Variants in MTA1 observed in about 807,000 individuals in gnomAD.
MTA1 encodes metastasis-associated protein MTA1.
In MTA1, 15 loss-of-function variants were observed where a neutral mutation model predicts 97.0. That is an observed-to-expected ratio of 0.15 (90% confidence interval 0.10 to 0.24). The LOEUF (loss-of-function observed/expected upper bound fraction) is 0.24, where lower values mean the gene tolerates loss of function less well. MTA1 is among the 10% of genes least tolerant of loss of function. The pLI, the probability that MTA1 is intolerant of heterozygous loss-of-function variation, is 1.00. For missense variants in MTA1, 709 were observed against 1,015.1 expected (o/e 0.70, Z 4.10); for synonymous variants, 435 against 417.5 (o/e 1.04, Z -0.51).
At chr14:105,468,063 G>A (rs1004127417) in intron 18 of MTA1, 1 of 350,982 alleles carries the variant, frequency 2.8e-6, no homozygotes, top group Admixed American at 3.7e-5. Flanking sequence ...GTAGCGGCCA[G>A]GACCTGGGCG....
At chr14:105,466,196 C>A in intron 16 of MTA1, 1 of 576,980 alleles carries the variant, frequency 1.7e-6, no homozygotes, top group Non-Finnish European at 3.1e-6. Context: ...TCTCTGGAAG[C>A]CCTGGGGTGC....
At chr14:105,444,790 TA>T (rs201104877) in intron 2 of MTA1, among the ~76,000 whole-genome samples, 2,748 of 123,516 alleles carry the variant, frequency 0.022, 29 homozygotes, top group South Asian at 0.054. Flanking sequence ...GACCCCATCT[TA>T]AAAAAAAAAA....
intron 7 of MTA1, among the ~76,000 whole-genome samples, chr14:105,456,963 C>A (rs587713268): frequency 6.6e-6 from 1 of 152,364 alleles, no homozygotes; most frequent in African/African-American, 2.4e-5. Context: ...GCCCTTGGGG[C>A]AGGGTCTGGG....
At chr14:105,462,002 G>A (rs899220429) in intron 10 of MTA1, among the ~76,000 whole-genome samples, 1 of 113,650 alleles carries the variant, frequency 8.8e-6, no homozygotes, top group Admixed American at 9.4e-5. Context: ...GAATTTGAGG[G>A]AGACCCTGCT....
intron 3 of MTA1, among the ~76,000 whole-genome samples, chr14:105,448,551 C>T (rs2082798048): frequency 6.6e-6 from 1 of 152,148 alleles, no homozygotes; most frequent in Admixed American, 6.5e-5. Flanking sequence ...GTGCAGTTTG[C>T]TCGTGGGTCC....
rs373697104 is a variant in MTA1, at chr14:105,445,404, C to G, written c.97-14C>G. ...TGGTCGCGTTTCTCAGACGCCCCTGCCTTGCTGTTACAGACGGCCAATGGG... is the reference window on the plus strand; with the variant it reads ...TGGTCGCGTTTCTCAGACGCCCCTGGCTTGCTGTTACAGACGGCCAATGGG... On this transcript the variant is annotated splice_polypyrimidine_tract_variant and intron_variant, in intron 2 of 20. Transcript: ENST00000331320. 5.6e-6 allele frequency: 9 copies of G among 1,612,558 alleles called. No homozygotes were observed. In the African/African-American group the frequency reaches 9.3e-5, roughly 17 times the overall value.
chr14:105,420,218 T>G lies in MTA1; in HGVS notation c.28+155T>G, dbSNP rs1462743686. ...CTTCCCGAACCGCCCCCCGCCGTGC[T>G]CACCCCAACCCAAAATGGCCCCGCG... On this transcript the variant is annotated intron_variant, in intron 1 of 20. Transcript: ENST00000331320. This position sits in a 1 kb window ranked among gnomAD's most constrained non-coding sequence, Gnocchi z 5.3. Among the ~76,000 whole-genome samples the G allele has an allele frequency of 6.8e-6, 1 of 146,012 alleles. No individual in the cohort carries two copies. Among genetic ancestry groups the G allele is most frequent in the Non-Finnish European group, 1.5e-5 (1 of 65,960 alleles).
Position 105,420,730 on chromosome 14 carries a change from AG to A in MTA1, c.28+671del, listed in dbSNP as rs1405992685. Among the ~76,000 whole-genome samples the A allele has an allele frequency of 6.6e-6, 1 of 152,170 alleles. No homozygotes were observed. Among genetic ancestry groups the A allele is most frequent in the Non-Finnish European group, 1.5e-5 (1 of 68,008 alleles). On this transcript the variant is annotated intron_variant, in intron 1 of 20. Transcript: ENST00000331320. This position sits in a 1 kb window ranked among gnomAD's most constrained non-coding sequence, Gnocchi z 5.3. ...GGAGAGGCCGGAGGGCCTCCTGGGCAGGGGCTTCCTCCGTGGGCCCAGCCTC... is the reference window on the plus strand; with the variant it reads ...GGAGAGGCCGGAGGGCCTCCTGGGCAGGGCTTCCTCCGTGGGCCCAGCCTC...
At chr14:105,445,559 G>A in intron 3 of MTA1, 48 bp downstream of exon 3, 1 of 1,596,466 alleles carries the variant, frequency 6.3e-7, no homozygotes, top group Non-Finnish European at 8.6e-7. Flanking sequence ...AGGGTCGGCT[G>A]GGGAGGGCTG....
chr14:105,451,851 C>T (rs1037068992), intron 6 of MTA1, among the ~76,000 whole-genome samples: 3 of 137,128 alleles, frequency 2.2e-5, no homozygotes, highest in Admixed American at 1.6e-4. Context: ...AGTACAGTGG[C>T]GCGATCTCAG....
intron 7 of MTA1, among the ~76,000 whole-genome samples, chr14:105,457,564 G>A (rs587714558): frequency 1.2e-4 from 18 of 152,270 alleles, no homozygotes; most frequent in Non-Finnish European, 2.9e-5. Context: ...GTCCCTGGAG[G>A]TGGTCTGCCT....
chr14:105,428,873 C>T (rs587595834), intron 1 of MTA1, among the ~76,000 whole-genome samples: 285 of 152,008 alleles, frequency 1.9e-3, no homozygotes, highest in African/African-American at 6.4e-3. Context: ...TACAGGCATA[C>T]GCCACCATGC....
intron 1 of MTA1, among the ~76,000 whole-genome samples, chr14:105,421,087 C>G (rs1490324942): frequency 1.3e-5 from 2 of 151,932 alleles, no homozygotes; most frequent in African/African-American, 4.8e-5. Flanking sequence ...TGTGGTCTGG[C>G]CGGCCAGTCC....
In MTA1 at chr14:105,420,964, TGCTGGAGGGA is replaced by T. The variant is rs1444331070; in HGVS notation, c.28+907_28+916del. 2.0e-5 allele frequency among the ~76,000 whole-genome samples: 3 copies of T among 152,220 alleles called. No individual in the cohort carries two copies. The highest frequency in any genetic ancestry group is 7.2e-5 in the African/African-American group (3 of 41,464). On this transcript the variant is annotated intron_variant, in intron 1 of 20. Coordinates refer to ENST00000331320, the MANE Select transcript of MTA1 (RefSeq NM_004689.4). The surrounding 1 kb of genome is among the most constrained non-coding windows in gnomAD (Gnocchi z 5.3). Reference sequence around the variant, plus strand: ...TACCTTTCCCACCTGCAGCCTGCGCTGCTGGAGGGAGCTGGGGTCACTCCCGCTCTGGCTT... The same window carrying T: ...TACCTTTCCCACCTGCAGCCTGCGCTGCTGGGGTCACTCCCGCTCTGGCTT...
intron 1 of MTA1, among the ~76,000 whole-genome samples, chr14:105,423,253 T>TTTTTTGAG (rs2081905836): frequency 6.8e-6 from 1 of 146,940 alleles, no homozygotes; most frequent in Non-Finnish European, 1.5e-5. Flanking sequence ...GGAGTCTTGC[T>TTTTTTGAG]CTGTGGCCCA....
Position 105,450,288 on chromosome 14 carries a change from C to G in MTA1, c.396C>G (p.Asn132Lys). The G allele has an allele frequency of 6.2e-7, 1 of 1,607,938 alleles. No individual in the cohort carries two copies. Among genetic ancestry groups the G allele is most frequent in the South Asian group, 1.1e-5 (1 of 90,976 alleles). The change falls in exon 6 of 21, where the codon AAC (asparagine) becomes AAG (lysine). Residue 132 changes from asparagine (N) to lysine (K), a missense_variant. Coordinates refer to ENST00000331320, the MANE Select transcript of MTA1 (RefSeq NM_004689.4). ...IRGKCSVTLL[N>K]ETESLKSYLE... ...GCAAGTGCAGCGTCACCCTGCTCAA[C>G]GAGACCGAGTCGCTCAAGTCCTACC...
intron 2 of MTA1, among the ~76,000 whole-genome samples, chr14:105,444,553 G>A (rs1310187197): frequency 6.6e-6 from 1 of 152,008 alleles, no homozygotes; most frequent in Non-Finnish European, 1.5e-5. Context: ...CACTTTGTGG[G>A]GCTGAGGCAG....
At position 105,464,800 on chromosome 14, in the gene MTA1, C is replaced by T. The variant is rs781986255; in HGVS notation, c.1471C>T (p.Arg491Cys). ...IARRLCREIL[R>C]PWHAARHPYL... ...CCGGCGCCTGTGCCGTGAGATCCTG[C>T]GCCCGTGGCACGCTGCGCGGCACCC... Residue 491 changes from arginine (R) to cysteine (C), a missense_variant, in exon 15 of 21, where the codon CGC becomes TGC. Arg to Cys is a radical substitution (Grantham distance 180). This residue lies in a region of MTA1 where 388 missense variants were observed against 421.6 expected (regional missense o/e 0.92). Transcript: ENST00000331320. 6.2e-6 allele frequency: 10 copies of T among 1,604,892 alleles called. No individual in the cohort carries two copies. Among genetic ancestry groups the T allele is most frequent in the South Asian group, 2.2e-5 (2 of 90,844 alleles).
At position 105,463,294 on chromosome 14, in the gene MTA1, C is replaced by G. The variant is rs375115307; in HGVS notation, c.1017+36C>G. ...CCGCCACTCAGTGCCCGGGGTGTGC[C>G]GCCTCCCCGTCCTGCGCCCCATCCT... On this transcript the variant is annotated intron_variant, in intron 11 of 20. Coordinates refer to ENST00000331320, the MANE Select transcript of MTA1 (RefSeq NM_004689.4). The surrounding 1 kb of genome is among the most constrained non-coding windows in gnomAD (Gnocchi z 5.9). 1 of 1,606,490 alleles carries G rather than the reference C, an allele frequency of 6.2e-7. No individual in the cohort carries two copies. Among genetic ancestry groups the G allele is most frequent in the Admixed American group, 1.7e-5 (1 of 59,928 alleles).
Sources: allele counts gnomAD v4.1 joint callset (sites outside exome capture counted in the v4.1 genomes callset), GRCh38; gene constraint gnomAD v4.1.1; regional missense constraint gnomAD v4.1.1; non-coding constraint Gnocchi (gnomAD v3.1); transcripts MANE v1.5; gene names NCBI Gene and HGNC (gene_info 2026-07-23, HGNC 2026-07-21).